KCNQ5: variants seen among roughly 807,000 people sequenced by gnomAD.
KCNQ5 encodes potassium voltage-gated channel subfamily Q member 5.
KCNQ5 carries 30 observed loss-of-function variants against 98.2 expected under a neutral mutation model. The observed-to-expected ratio is 0.31, with a 90% CI of 0.23 to 0.41. The LOEUF (loss-of-function observed/expected upper bound fraction) is 0.41. Among genes scored for constraint, KCNQ5 ranks in the 10% least tolerant of loss-of-function variants. KCNQ5 has a pLI of 1.00. For synonymous variants in KCNQ5, 458 were observed against 449.4 expected, an observed-to-expected ratio of 1.02 and a Z score of -0.24; for missense variants, 835 against 1,182.5, an observed-to-expected ratio of 0.71 and a Z score of 4.31.
intron 1 of KCNQ5, chr6:72,987,530 C>G (rs368664773): frequency 4.9e-5 from 32 of 658,466 alleles, no homozygotes; most frequent in Non-Finnish European, 8.9e-5. Flanking sequence ...GCCGCCACCC[C>G]CTCCAAGCCC....
intron 1 of KCNQ5, among the ~76,000 whole-genome samples, chr6:72,897,391 A>C (rs1562053569): frequency 6.6e-6 from 1 of 152,062 alleles, no homozygotes; most frequent in African/African-American, 2.4e-5. Flanking sequence ...AGTACAAAAA[A>C]ATTAGCCGGG....
chr6:73,108,161 CA>C (rs1219670938), intron 6 of KCNQ5, among the ~76,000 whole-genome samples: 14 of 152,190 alleles, frequency 9.2e-5, no homozygotes, highest in Admixed American at 8.5e-4. Flanking sequence ...CAGAGTCATA[CA>C]AGCCACCCAT....
At chr6:72,905,294 G>C (rs1779657148) in intron 1 of KCNQ5, among the ~76,000 whole-genome samples, 1 of 151,904 alleles carries the variant, frequency 6.6e-6, no homozygotes, top group Non-Finnish European at 1.5e-5. Context: ...TCATTTGTTG[G>C]ATTTCCTTTC....
At chr6:72,776,373 C>T (rs1406319083) in intron 1 of KCNQ5, among the ~76,000 whole-genome samples, 1 of 152,080 alleles carries the variant, frequency 6.6e-6, no homozygotes, top group Non-Finnish European at 1.5e-5. Flanking sequence ...TCTGTTTACT[C>T]CAACACATTA....
intron 5 of KCNQ5, among the ~76,000 whole-genome samples, chr6:73,081,508 T>A (rs564781150): frequency 6.6e-6 from 1 of 152,240 alleles, no homozygotes; most frequent in South Asian, 2.1e-4. Flanking sequence ...AAGATCAGGT[T>A]TTCCTGCACT....
intron 1 of KCNQ5, among the ~76,000 whole-genome samples, chr6:72,651,400 GA>G (rs1222579531): frequency 6.6e-6 from 1 of 152,006 alleles, no homozygotes; most frequent in Non-Finnish European, 1.5e-5. Context: ...CAACATAGCA[GA>G]AAAAATGCAA....
chr6:73,164,951 A>G (rs757259975), intron 10 of KCNQ5, among the ~76,000 whole-genome samples: 3 of 152,076 alleles, frequency 2.0e-5, no homozygotes, highest in Non-Finnish European at 2.9e-5. Context: ...AGGACAGCAT[A>G]AAACACTCTT....
chr6:72,858,666 G>A (rs746010346), intron 1 of KCNQ5, among the ~76,000 whole-genome samples: 14 of 150,754 alleles, frequency 9.3e-5, no homozygotes, highest in East Asian at 3.9e-4. Context: ...TTTATATCCC[G>A]TTTATTTGTC....
Position 73,111,415 on chromosome 6 carries a change from T to G in KCNQ5, c.1125+12T>G, listed in dbSNP as rs1377081066. 1.3e-6 allele frequency: 2 copies of G among 1,566,542 alleles called. No individual in the cohort carries two copies. Among genetic ancestry groups the G allele is most frequent in the Non-Finnish European group, 1.7e-6 (2 of 1,146,970 alleles). ...CCAACCTCATTCAGGTAAATGTCAA[T>G]GTAATAGGTAGATGGCAACATTTGT... is the stretch of plus-strand genomic sequence containing the variant. On this transcript the variant is annotated intron_variant, in intron 7 of 13. Transcript: ENST00000370398.
chr6:72,971,995 A>G (rs1483739832), intron 1 of KCNQ5, among the ~76,000 whole-genome samples: 1 of 152,200 alleles, frequency 6.6e-6, no homozygotes, highest in East Asian at 1.9e-4. Context: ...AATTTTAAAA[A>G]AGAGGTGCTA....
At chr6:73,093,760 G>T (rs1774352282) in intron 5 of KCNQ5, among the ~76,000 whole-genome samples, 1 of 152,026 alleles carries the variant, frequency 6.6e-6, no homozygotes, top group Admixed American at 6.6e-5. Context: ...TTCCACTGTG[G>T]TCTGAGAGAG....
intron 1 of KCNQ5, among the ~76,000 whole-genome samples, chr6:72,731,394 T>A (rs1320493058): frequency 6.6e-6 from 1 of 152,232 alleles, no homozygotes. Context: ...ATAAAAGCTA[T>A]CCCAAATAAC....
chr6:72,948,094 A>T (rs1356852811), intron 1 of KCNQ5, among the ~76,000 whole-genome samples: 1 of 152,108 alleles, frequency 6.6e-6, no homozygotes, highest in Non-Finnish European at 1.5e-5. Flanking sequence ...CAATTTATCA[A>T]CTTTTCCTAC....
At chr6:73,020,599 C>T (rs1273978521) in intron 2 of KCNQ5, among the ~76,000 whole-genome samples, 1 of 152,060 alleles carries the variant, frequency 6.6e-6, no homozygotes, top group East Asian at 1.9e-4. Context: ...ACATTCAGCC[C>T]CTTTCCCGTC....
chr6:72,657,692 G>A (rs1195831954), intron 1 of KCNQ5, among the ~76,000 whole-genome samples: 2 of 152,198 alleles, frequency 1.3e-5, no homozygotes, highest in African/African-American at 4.8e-5. Flanking sequence ...TTTGTAGATA[G>A]AAATCTATAG....
At chr6:72,903,259 T>G (rs1421238934) in intron 1 of KCNQ5, among the ~76,000 whole-genome samples, 1 of 152,214 alleles carries the variant, frequency 6.6e-6, no homozygotes, top group Admixed American at 6.5e-5. Flanking sequence ...GTCTATCAAT[T>G]TGATTTATCT....
chr6:72,968,910 G>A (rs759763239), intron 1 of KCNQ5, among the ~76,000 whole-genome samples: 5 of 152,144 alleles, frequency 3.3e-5, no homozygotes, highest in Admixed American at 6.6e-5. Context: ...AATAAACAAT[G>A]TGATCTCTTA....
chr6:72,934,379 T>C (rs991249925), intron 1 of KCNQ5, among the ~76,000 whole-genome samples: 6 of 152,018 alleles, frequency 3.9e-5, no homozygotes, highest in African/African-American at 1.4e-4. Context: ...ATGATAATGG[T>C]GATGATGGTG....
chr6:72,738,173 C>T (rs1770949995), intron 1 of KCNQ5, among the ~76,000 whole-genome samples: 1 of 151,746 alleles, frequency 6.6e-6, no homozygotes, highest in African/African-American at 2.4e-5. Flanking sequence ...AAATTTGTTA[C>T]TTATGGTTTG....
Sources: allele counts gnomAD v4.1 joint callset (sites outside exome capture counted in the v4.1 genomes callset), GRCh38; gene constraint gnomAD v4.1.1; transcripts MANE v1.5; gene names NCBI Gene and HGNC (gene_info 2026-07-23, HGNC 2026-07-21).